Variants in USP43 observed in about 807,000 individuals in gnomAD.
The protein encoded by USP43 is ubiquitin specific peptidase 43, also known as ubiquitin carboxyl-terminal hydrolase 43.
USP43 carries 33 observed loss-of-function variants against 90.7 expected under a neutral mutation model. The ratio of observed to expected loss-of-function variants is 0.36; its 90% CI spans 0.28 to 0.49. The LOEUF (loss-of-function observed/expected upper bound fraction) is 0.49. Among genes scored for constraint, USP43 ranks in the 20% least tolerant of loss-of-function variants. The pLI is 0.98. For missense variants in USP43, 1,274 were observed against 1,476.4 expected (o/e 0.86, Z 2.25); for synonymous variants, 598 against 615.8 (o/e 0.97, Z 0.43).
chr17:9,666,794 G>A (rs755228307), intron 3 of USP43, 43 bp downstream of exon 3: 34 of 1,491,042 alleles, frequency 2.3e-5, no homozygotes, highest in African/African-American at 1.4e-4. Flanking sequence ...CGAGGGCTCC[G>A]CAGACTCAAT....
chr17:9,667,386 T>C (rs545318734), intron 3 of USP43, among the ~76,000 whole-genome samples: 1 of 152,028 alleles, frequency 6.6e-6, no homozygotes, highest in African/African-American at 2.4e-5. Context: ...AGTGAAACCC[T>C]ATCTCAAAAA....
chr17:9,727,214 CCTGCCT>C lies in USP43; in HGVS notation c.2336-738_2336-733del, dbSNP rs1917319417. Among the ~76,000 whole-genome samples the C allele has an allele frequency of 2.6e-5, 4 of 152,268 alleles. No homozygotes were observed. The South Asian group carries it at 8.3e-4, about 32-fold the overall frequency. On this transcript the variant is annotated intron_variant, in intron 14 of 14. Coordinates refer to ENST00000285199, the MANE Select transcript of USP43 (RefSeq NM_153210.5). ...CTCGAACTCCTGACCTTGTGACCCA[CCTGCCT>C]CAGCCTCCCAAGACTGAGAATTTCT...
Position 9,727,964 on chromosome 17 carries a change from G to C in USP43, c.2346G>C (p.Glu782Asp). 1 of 1,602,472 alleles carries C rather than the reference G, an allele frequency of 6.2e-7. No individual in the cohort carries two copies. Among genetic ancestry groups the C allele is most frequent in the Non-Finnish European group, 8.5e-7 (1 of 1,171,456 alleles). ...CTCTGTCTCTTTCAGGAGGGTTGGAGCCCAGGCGTTTGGTACGGGGCGTGA... is the reference window on the plus strand; with the variant it reads ...CTCTGTCTCTTTCAGGAGGGTTGGACCCCAGGCGTTTGGTACGGGGCGTGA... ...SLCNQEKGGL[E>D]PRRLVRGVKG... Residue 782 changes from glutamate to aspartate, a missense_variant, in exon 15 of 15, where the codon GAG (glutamate) becomes GAC (aspartate). Around this residue, in one of 6 missense-constraint regions of USP43, gnomAD observed 285 missense variants for 349.6 expected, o/e 0.82. Coordinates refer to ENST00000285199, the MANE Select transcript of USP43 (RefSeq NM_153210.5).
chr17:9,645,732 G>T lies in USP43; in HGVS notation c.100G>T (p.Ala34Ser), dbSNP rs1911332565. ...CCGCCTGTTCAGCCGCTTCCTGCTG[G>T]CGCTGGGCAGCCGCTCACGCCCCGG... Reference protein sequence around the residue: ...LRRLFSRFLLALGSRSRPGDS... With the variant: ...LRRLFSRFLLSLGSRSRPGDS... The change falls in exon 1 of 15, where the codon GCG becomes TCG. Residue 34 changes from alanine (A) to serine (S), a missense_variant. Around this residue, in one of 6 missense-constraint regions of USP43, gnomAD observed 112 missense variants for 106.6 expected, o/e 1.05. Coordinates refer to ENST00000285199, the MANE Select transcript of USP43 (RefSeq NM_153210.5). The surrounding 1 kb of genome is among the most constrained non-coding windows in gnomAD (Gnocchi z 6.8). 4 of 1,371,242 alleles carry T rather than the reference G, an allele frequency of 2.9e-6. No individual in the cohort carries two copies. In the East Asian group the frequency reaches 1.2e-4, roughly 43 times the overall value. The allele number at this position is 1,371,242 out of a possible 1,614,324, so 84.9% of individuals were successfully genotyped here. A position where few individuals can be genotyped will look rare whatever the true frequency, so the allele number is the denominator to read the frequency against.
intron 14 of USP43, among the ~76,000 whole-genome samples, chr17:9,721,317 T>C (rs1047121585): frequency 2.6e-5 from 4 of 152,228 alleles, no homozygotes; most frequent in African/African-American, 9.6e-5. Flanking sequence ...TTCCAGATAG[T>C]ATTTCATTTC....
chr17:9,655,084 G>GGA (rs1912141361), intron 1 of USP43, among the ~76,000 whole-genome samples: 1 of 37,326 alleles, frequency 2.7e-5, no homozygotes. Context: ...AGAAAGAAAG[G>GGA]AAAAAAAAAA....
intron 3 of USP43, among the ~76,000 whole-genome samples, chr17:9,672,621 G>T (rs974232100): frequency 1.1e-4 from 16 of 152,296 alleles, no homozygotes; most frequent in African/African-American, 3.8e-4. Context: ...GAGAAGGATT[G>T]GAGGAGAGAC....
rs779896200 is a variant in USP43, at chr17:9,727,959, T to C, written c.2341T>C (p.Leu781=). 7 of 1,599,658 alleles carry C rather than the reference T, an allele frequency of 4.4e-6. No individual in the cohort carries two copies. The highest frequency in any genetic ancestry group is 2.7e-5 in the African/African-American group (2 of 74,422). ...NSLCNQEKGG[L]EPRRLVRGVK... ...AGTCTCTCTGTCTCTTTCAGGAGGG[T>C]TGGAGCCCAGGCGTTTGGTACGGGG... The change falls in exon 15 of 15, where the codon TTG becomes CTG. Residue 781 remains leucine (L), a synonymous_variant. Transcript: ENST00000285199.
chr17:9,653,645 TG>T (rs1408128937), intron 1 of USP43, among the ~76,000 whole-genome samples: 1 of 150,504 alleles, frequency 6.6e-6, no homozygotes, highest in Non-Finnish European at 1.5e-5. Context: ...AAAGAGTGTT[TG>T]GGGCAGCTAG....
chr17:9,662,094 T>C (rs2654719), intron 2 of USP43, among the ~76,000 whole-genome samples: 59,580 of 151,894 alleles, frequency 0.39, 13,937 homozygotes, highest in African/African-American at 0.67. Context: ...ATGTTTTCAG[T>C]CTTTGGCCAC....
At chr17:9,675,212 G>A (rs1165295218) in intron 4 of USP43, among the ~76,000 whole-genome samples, 1 of 152,158 alleles carries the variant, frequency 6.6e-6, no homozygotes, top group Admixed American at 6.6e-5. Context: ...TGGCACAATT[G>A]CCAGACTTAG....
At chr17:9,714,321 T>C (rs1375436467) in intron 14 of USP43, among the ~76,000 whole-genome samples, 2 of 152,158 alleles carry the variant, frequency 1.3e-5, no homozygotes, top group African/African-American at 4.8e-5. Flanking sequence ...GAGAGAAATA[T>C]TTGAGAGTCA....
At position 9,728,384 on chromosome 17, in the gene USP43, C is replaced by A. The variant is rs1238378864; in HGVS notation, c.2766C>A (p.Asp922Glu). 3 of 1,607,856 alleles carry A rather than the reference C, an allele frequency of 1.9e-6. No individual in the cohort carries two copies. The highest frequency in any genetic ancestry group is 2.5e-6 in the Non-Finnish European group (3 of 1,177,212). Residue 922 changes from aspartate to glutamate, a missense_variant, in exon 15 of 15, where the codon GAC (aspartate) becomes GAA (glutamate). By Grantham distance (45) the Asp-to-Glu change is conservative. Coordinates refer to ENST00000285199, the MANE Select transcript of USP43 (RefSeq NM_153210.5). This position sits in a 1 kb window ranked among gnomAD's most constrained non-coding sequence, Gnocchi z 6.2. ...AACTCAAGGAAAATGCAGGGCAGGA[C>A]ATCAAGCTTCCCAGAAAGTTTGACC... Reference protein sequence around the residue: ...ARKLKENAGQDIKLPRKFDLP... With the variant: ...ARKLKENAGQEIKLPRKFDLP...
chr17:9,692,312 T>C (rs1915006586), intron 8 of USP43, among the ~76,000 whole-genome samples: 1 of 151,882 alleles, frequency 6.6e-6, no homozygotes, highest in African/African-American at 2.4e-5. Context: ...TGAGCTGAGA[T>C]TGTGGCACTG....
chr17:9,690,402 T>C (rs911112266), intron 8 of USP43, among the ~76,000 whole-genome samples: 1 of 152,182 alleles, frequency 6.6e-6, no homozygotes, highest in Admixed American at 6.5e-5. Flanking sequence ...GAAGACCCCG[T>C]TGATTTTTTA....
chr17:9,710,966 C>G (rs1255478162), intron 13 of USP43, among the ~76,000 whole-genome samples: 1 of 151,750 alleles, frequency 6.6e-6, no homozygotes, highest in Non-Finnish European at 1.5e-5. Context: ...TAACAGTTAT[C>G]AGAAAATGGC....
chr17:9,723,322 C>G (rs1917061820), intron 14 of USP43, among the ~76,000 whole-genome samples: 1 of 152,100 alleles, frequency 6.6e-6, no homozygotes, highest in Non-Finnish European at 1.5e-5. Flanking sequence ...TCAACCTTAC[C>G]TAGAACTTGG....
rs547421464 is a variant in USP43 at position 9,701,333 on chromosome 17, C to T, written c.1663-19C>T. ...CACGTGCTGCGGGGGCCTCACAGTCCGGGTGGTTTGCTTTCCAGCTGGCCC... is the reference window on the plus strand; with the variant it reads ...CACGTGCTGCGGGGGCCTCACAGTCTGGGTGGTTTGCTTTCCAGCTGGCCC... On this transcript the variant is annotated intron_variant, in intron 11 of 14. Coordinates refer to ENST00000285199, the MANE Select transcript of USP43 (RefSeq NM_153210.5). The surrounding 1 kb of genome is among the most constrained non-coding windows in gnomAD (Gnocchi z 7.2). 1.2e-5 allele frequency: 19 copies of T among 1,588,888 alleles called. No individual in the cohort carries two copies. The highest frequency in any genetic ancestry group is 2.3e-5 in the East Asian group (1 of 43,738).
rs948454081 is a variant in USP43 at position 9,686,403 on chromosome 17, G to T, written c.1242-395G>T. On this transcript the variant is annotated intron_variant, in intron 7 of 14. Transcript: ENST00000285199. The surrounding 1 kb of genome is among the most constrained non-coding windows in gnomAD (Gnocchi z 5.5). ...GAAGAACCTCCATGCTTTTCTCCAC[G>T]GTGTCTCCATTCCCACCAACAGTGT... is the stretch of plus-strand genomic sequence containing the variant. 6.6e-6 allele frequency among the ~76,000 whole-genome samples: 1 copy of T among 151,938 alleles called. No individual in the cohort carries two copies. The highest frequency in any genetic ancestry group is 1.5e-5 in the Non-Finnish European group (1 of 67,990).
Sources: gnomAD v4.1 joint callset for allele counts (sites outside exome capture counted in the v4.1 genomes callset) on GRCh38, gnomAD v4.1.1 for gene constraint, gnomAD v4.1.1 regional missense constraint, Gnocchi (gnomAD v3.1) non-coding constraint, MANE v1.5 for transcripts, NCBI Gene and HGNC (gene_info 2026-07-23, HGNC 2026-07-21) for gene names.